The following TTC23 variants were observed in gnomAD, a reference collection of about 807,000 sequenced individuals.
TTC23 encodes the protein tetratricopeptide repeat domain 23.
TTC23 carries 58 observed loss-of-function variants against 55.1 expected under a neutral mutation model. The ratio of observed to expected loss-of-function variants is 1.05; its 90% confidence interval spans 0.85 to 1.31. The LOEUF is 1.31. TTC23 is among the 50% of genes most tolerant of loss of function. TTC23 has a pLI of 0.00. For missense variants in TTC23, 516 were observed against 534.4 expected, an observed-to-expected ratio of 0.97 and a Z score of 0.34; for synonymous variants, 203 against 199.9, an observed-to-expected ratio of 1.02 and a Z score of -0.13.
intron 3 of TTC23, among the ~76,000 whole-genome samples, chr15:99,235,950 A>G (rs1049374463): frequency 3.9e-5 from 6 of 152,324 alleles, no homozygotes; most frequent in Admixed American, 3.9e-4. Flanking sequence ...TAATGCCTTC[A>G]AAGTTCATCC....
chr15:99,196,904 T>A (rs1186882995), intron 9 of TTC23, among the ~76,000 whole-genome samples: 1 of 152,172 alleles, frequency 6.6e-6, no homozygotes, highest in African/African-American at 2.4e-5. Context: ...CCTTTGCCAT[T>A]CCCACTGCCC....
At chr15:99,183,325 C>CTTT (rs1256593678) in intron 9 of TTC23, among the ~76,000 whole-genome samples, 1 of 140,204 alleles carries the variant, frequency 7.1e-6, no homozygotes, top group Non-Finnish European at 1.6e-5. Flanking sequence ...TCTTTCTTTT[C>CTTT]TTTTTTTTTT....
chr15:99,182,575 C>A (rs551509648), intron 9 of TTC23, among the ~76,000 whole-genome samples: 7 of 152,138 alleles, frequency 4.6e-5, no homozygotes, highest in African/African-American at 1.7e-4. Flanking sequence ...GATATATTAT[C>A]ACAGAGTAGT....
chr15:99,147,727 G>A (rs1054216523), intron 12 of TTC23, among the ~76,000 whole-genome samples: 4 of 152,056 alleles, frequency 2.6e-5, no homozygotes, highest in African/African-American at 9.7e-5. Context: ...AAGGTGGGCT[G>A]TTGCAGTCCA....
Position 99,139,189 on chromosome 15 carries a change from T to G in TTC23, c.1226+128A>C, listed in dbSNP as rs146667387. The G allele has an allele frequency of 2.8e-3, 3,358 of 1,183,662 alleles. 42 individuals are homozygous for G. The highest frequency in any genetic ancestry group is 0.022 in the South Asian group (1,653 of 76,516). The allele number at this position is 1,183,662 out of a possible 1,614,324, so 73.3% of individuals were successfully genotyped here. A position where few individuals can be genotyped will look rare whatever the true frequency, so the allele number is the denominator to read the frequency against. ...GGGTTTCAAAGGAACTTGTCCTTTA[T>G]GCAAGTTATGGGAAGTCAGCAAAAC... On this transcript the variant is annotated intron_variant, in intron 13 of 13. Transcript: ENST00000394132.
chr15:99,203,414 T>A (rs2152002472), intron 8 of TTC23, among the ~76,000 whole-genome samples: 1 of 152,190 alleles, frequency 6.6e-6, no homozygotes, highest in East Asian at 1.9e-4. Context: ...AAGTTAATGA[T>A]CGAATCAGGG....
chr15:99,197,049 C>T (rs1356517194), intron 9 of TTC23, among the ~76,000 whole-genome samples: 1 of 152,136 alleles, frequency 6.6e-6, no homozygotes, highest in Non-Finnish European at 1.5e-5. Flanking sequence ...CTGCCAACTA[C>T]ACTTACTGTT....
intron 4 of TTC23, among the ~76,000 whole-genome samples, chr15:99,231,084 G>C (rs147353236): frequency 2.0e-5 from 3 of 152,160 alleles, no homozygotes; most frequent in Non-Finnish European, 4.4e-5. Flanking sequence ...ACATCATAGC[G>C]TAATGCATTG....
chr15:99,186,407 T>C (rs79019451), intron 9 of TTC23, among the ~76,000 whole-genome samples: 10,805 of 152,274 alleles, frequency 0.071, 415 homozygotes, highest in South Asian at 0.09. Flanking sequence ...TAAAACACTC[T>C]CTAATCTTTT....
intron 1 of TTC23, among the ~76,000 whole-genome samples, chr15:99,247,200 C>A (rs979830385): frequency 6.6e-6 from 1 of 152,180 alleles, no homozygotes; most frequent in Non-Finnish European, 1.5e-5. Context: ...CAAATTGGAA[C>A]CCTCATACAC....
In TTC23 at chr15:99,199,900, C is replaced by T; in HGVS notation, c.759+19G>A. ...ATTGGGCCTAGAACAGCTTTGGTAG[C>T]CAGGACCTTGTAGCTTACCTGGAGG... On this transcript the variant is annotated intron_variant, in intron 9 of 13. Coordinates refer to ENST00000394132, the MANE Select transcript of TTC23 (RefSeq NM_001288615.3). 1.2e-6 allele frequency: 2 copies of T among 1,604,202 alleles called. No individual in the cohort carries two copies. Among genetic ancestry groups the T allele is most frequent in the Non-Finnish European group, 1.7e-6 (2 of 1,175,462 alleles).
chr15:99,233,756 A>C (rs2079102263), intron 4 of TTC23, among the ~76,000 whole-genome samples: 1 of 152,208 alleles, frequency 6.6e-6, no homozygotes, highest in Non-Finnish European at 1.5e-5. Flanking sequence ...TTTAGATTTA[A>C]ATCTAAAATA....
rs1053613247 is a variant in TTC23 at position 99,157,368 on chromosome 15, T to C, written c.994-1071A>G. Reference sequence around the variant, plus strand: ...CTGGGATTGCAGGCGCCCACCACCATACCCAGCTAATTTTTGTATTTTTAG... The same window carrying C: ...CTGGGATTGCAGGCGCCCACCACCACACCCAGCTAATTTTTGTATTTTTAG... On this transcript the variant is annotated intron_variant, in intron 11 of 13. Coordinates refer to ENST00000394132, the MANE Select transcript of TTC23 (RefSeq NM_001288615.3). 6.6e-5 allele frequency: 10 copies of C among 152,130 alleles called. No homozygotes were observed. The East Asian group carries it at 1.7e-3, about 27-fold the overall frequency. The allele number at this position is 152,130 out of a possible 1,614,324, so 9.4% of individuals were successfully genotyped here.
At chr15:99,167,865 C>G (rs2072346542) in intron 10 of TTC23, among the ~76,000 whole-genome samples, 2 of 152,224 alleles carry the variant, frequency 1.3e-5, no homozygotes, top group African/African-American at 4.8e-5. Context: ...ATAGTCCCTA[C>G]TCTGTACCAA....
At chr15:99,169,338 G>GCTTACTCT (rs141820854) in intron 10 of TTC23, among the ~76,000 whole-genome samples, 14,616 of 152,122 alleles carry the variant, frequency 0.096, 869 homozygotes, top group East Asian at 0.29. Context: ...GCCAGCCATG[G>GCTTACTCT]CTTACTCTCA....
intron 12 of TTC23, among the ~76,000 whole-genome samples, chr15:99,148,318 G>A (rs1303725196): frequency 5.1e-5 from 6 of 117,672 alleles, no homozygotes; most frequent in African/African-American, 6.7e-5. Flanking sequence ...CCGAGATCGC[G>A]ACACTGCACT....
chr15:99,185,038 G>T (rs866196828), intron 9 of TTC23, among the ~76,000 whole-genome samples: 6 of 152,102 alleles, frequency 3.9e-5, no homozygotes, highest in African/African-American at 1.4e-4. Flanking sequence ...TGTCATGATT[G>T]TAAGTTTCCT....
chr15:99,208,308 ACATT>A (rs2076782257), intron 8 of TTC23, among the ~76,000 whole-genome samples: 1 of 152,140 alleles, frequency 6.6e-6, no homozygotes, highest in Non-Finnish European at 1.5e-5. Context: ...AGGTACAAAA[ACATT>A]CAGAGGAATG....
At chr15:99,194,107 A>G (rs1002718421) in intron 9 of TTC23, among the ~76,000 whole-genome samples, 1 of 152,190 alleles carries the variant, frequency 6.6e-6, no homozygotes, top group Non-Finnish European at 1.5e-5. Flanking sequence ...GGATTTAGTC[A>G]TGAAAAATTT....
Sources: allele counts gnomAD v4.1 joint callset (sites outside exome capture counted in the v4.1 genomes callset), GRCh38; gene constraint gnomAD v4.1.1; transcripts MANE v1.5; gene names NCBI Gene and HGNC (gene_info 2026-07-23, HGNC 2026-07-21).